The following FAM20B variants were observed in gnomAD, a reference collection of about 807,000 sequenced individuals.
The protein encoded by FAM20B is glycosaminoglycan xylosylkinase.
Under a neutral mutation model 43.8 loss-of-function variants are expected in FAM20B, and 23 were observed. The observed-to-expected ratio is 0.53, with a 90% confidence interval of 0.38 to 0.74. FAM20B has a LOEUF of 0.74. Among genes scored for constraint, FAM20B ranks in the 30% least tolerant of loss-of-function variants. The pLI is 0.00. For missense variants in FAM20B, 440 were observed against 510.5 expected, an observed-to-expected ratio of 0.86 and a Z score of 1.33; for synonymous variants, 178 against 192.4, an observed-to-expected ratio of 0.93 and a Z score of 0.62.
At chr1:179,041,422 G>A (rs1215501912) in intron 1 of FAM20B, among the ~76,000 whole-genome samples, 1 of 152,132 alleles carries the variant, frequency 6.6e-6, no homozygotes, top group Non-Finnish European at 1.5e-5. Context: ...TGGAGGCCGA[G>A]GCTGGCGGAT....
chr1:179,039,742 AT>A (rs1217321410), intron 1 of FAM20B, among the ~76,000 whole-genome samples: 1 of 70,468 alleles, frequency 1.4e-5, no homozygotes, highest in Non-Finnish European at 3.3e-5. Flanking sequence ...TTTATTTATT[AT>A]TTTTTTTTAT....
chr1:179,058,279 G>A (rs1045612492), intron 4 of FAM20B, among the ~76,000 whole-genome samples: 1 of 152,226 alleles, frequency 6.6e-6, no homozygotes, highest in Non-Finnish European at 1.5e-5. Flanking sequence ...AAAAATCCGT[G>A]ATTTCTTGTA....
intron 1 of FAM20B, among the ~76,000 whole-genome samples, chr1:179,040,148 G>C (rs916397511): frequency 6.6e-6 from 1 of 152,186 alleles, no homozygotes. Context: ...ACACAGACAC[G>C]GCAACCATCC....
the FAM20B span, among the ~76,000 whole-genome samples, chr1:179,019,311 T>C: frequency 2.6e-5 from 4 of 152,058 alleles, no homozygotes; most frequent in Non-Finnish European, 4.4e-5. Flanking sequence ...GATTGAGAAC[T>C]CTCTAGCAGC....
intron 4 of FAM20B, 141 bp downstream of exon 4, chr1:179,054,779 G>C: frequency 2.0e-6 from 1 of 490,710 alleles, no homozygotes; most frequent in Non-Finnish European, 3.6e-6. Context: ...CCAGCTCTCA[G>C]GTTATTTGGG....
At chr1:179,035,733 T>C (rs998057401) in intron 1 of FAM20B, 3 of 307,688 alleles carry the variant, frequency 9.8e-6, no homozygotes, top group Non-Finnish European at 1.9e-5. Context: ...GGAATCTATA[T>C]CTCTTCTCCC....
At chr1:179,051,793 C>T (rs759060543) in intron 3 of FAM20B, among the ~76,000 whole-genome samples, 1 of 151,922 alleles carries the variant, frequency 6.6e-6, no homozygotes, top group South Asian at 2.1e-4. Context: ...ACTACAGGTA[C>T]GCACCACCAC....
At chr1:179,055,807 C>G (rs571409672) in intron 4 of FAM20B, among the ~76,000 whole-genome samples, 1 of 151,872 alleles carries the variant, frequency 6.6e-6, no homozygotes, top group Non-Finnish European at 1.5e-5. Context: ...GTATGAGTTA[C>G]CAAGGCAGCA....
chr1:179,040,672 C>T (rs1462184885), intron 1 of FAM20B, among the ~76,000 whole-genome samples: 4 of 127,704 alleles, frequency 3.1e-5, no homozygotes, highest in Non-Finnish European at 5.3e-5. Context: ...GATCCCCCCA[C>T]CTCCCTCCCG....
Position 179,038,284 on chromosome 1 carries a change from G to A in FAM20B, c.-133-5431G>A, listed in dbSNP as rs554907902. 5.3e-5 allele frequency among the ~76,000 whole-genome samples: 8 copies of A among 152,224 alleles called. 1 individual carries two copies. In the South Asian group the frequency reaches 1.7e-3, roughly 32 times the overall value. On this transcript the variant is annotated intron_variant, in intron 1 of 7. Coordinates refer to ENST00000263733, the MANE Select transcript of FAM20B (RefSeq NM_014864.4). ...GCCTTAGCTGGGCGTGGTGGCGCAT[G>A]CCTGTAATCCCAGCTACTTGGGAGG...
At position 179,064,041 on chromosome 1, in the gene FAM20B, C is replaced by A; in HGVS notation, c.689C>A (p.Pro230His). The change falls in exon 5 of 8, where the codon CCT (proline) becomes CAT (histidine). Residue 230 changes from proline to histidine, a missense_variant. Pro to His is a moderately conservative substitution (Grantham distance 77). Transcript: ENST00000263733. ...SVTLWLPDVW[P>H]LQKHRHPWGR... ...ACACTTTGGCTTCCAGATGTGTGGCCTCTGCAGAAGCACCGTCACCCATGG... is the reference window on the plus strand; with the variant it reads ...ACACTTTGGCTTCCAGATGTGTGGCATCTGCAGAAGCACCGTCACCCATGG... 6.2e-7 allele frequency: 1 copy of A among 1,613,910 alleles called. No individual in the cohort carries two copies. The highest frequency in any genetic ancestry group is 8.5e-7 in the Non-Finnish European group (1 of 1,179,860).
At chr1:179,056,117 T>G (rs1409118160) in intron 4 of FAM20B, among the ~76,000 whole-genome samples, 1 of 152,216 alleles carries the variant, frequency 6.6e-6, no homozygotes, top group Non-Finnish European at 1.5e-5. Flanking sequence ...TTACAATTGA[T>G]GAGTCCACAC....
At chr1:179,034,061 C>T (rs2102485052) in intron 1 of FAM20B, among the ~76,000 whole-genome samples, 1 of 152,258 alleles carries the variant, frequency 6.6e-6, no homozygotes, top group Admixed American at 6.5e-5. Flanking sequence ...AGGCTGGGGT[C>T]ACAACAGTGA....
chr1:179,040,665 C>G (rs1399783572), intron 1 of FAM20B, among the ~76,000 whole-genome samples: 1 of 124,714 alleles, frequency 8.0e-6, no homozygotes, highest in Non-Finnish European at 1.8e-5. Context: ...GGGCGCTGAT[C>G]CCCCCACCTC....
chr1:179,040,498 C>T (rs1650447661), intron 1 of FAM20B, among the ~76,000 whole-genome samples: 1 of 147,006 alleles, frequency 6.8e-6, no homozygotes, highest in Admixed American at 6.7e-5. Context: ...GCTGACCCCC[C>T]CACCTCCCTC....
chr1:179,024,628 T>C (rs1462860034), upstream of FAM20B, among the ~76,000 whole-genome samples: 2 of 152,204 alleles, frequency 1.3e-5, no homozygotes, highest in African/African-American at 2.4e-5. Flanking sequence ...GCTAATACAA[T>C]GCCTTCTGCA....
Position 179,072,840 on chromosome 1 carries a change from C to T in FAM20B, c.*696C>T, listed in dbSNP as rs550190130. ...ACTGAACTACTGAAAAACAGGTTCC[C>T]TTGTATTTAGGATCTTAAGGTGTAT... On this transcript the variant is annotated 3_prime_UTR_variant, in exon 8 of 8. Transcript: ENST00000263733. The T allele has an allele frequency of 1.3e-5, 2 of 152,290 alleles. No homozygotes were observed. The highest frequency in any genetic ancestry group is 1.3e-4 in the Admixed American group (2 of 15,300). The allele number at this position is 152,290 out of a possible 1,614,324, so 9.4% of individuals were successfully genotyped here.
chr1:179,043,854 C>G lies in FAM20B; in HGVS notation c.7C>G (p.Leu3Val). 6.3e-7 allele frequency: 1 copy of G among 1,592,492 alleles called. No homozygotes were observed. Among genetic ancestry groups the G allele is most frequent in the Non-Finnish European group, 8.6e-7 (1 of 1,164,830 alleles). The change falls in exon 2 of 8, where the codon CTA (leucine) becomes GTA (valine). Residue 3 changes from leucine (L) to valine (V), a missense_variant. By Grantham distance (32) the Leu-to-Val change is conservative. Coordinates refer to ENST00000263733, the MANE Select transcript of FAM20B (RefSeq NM_014864.4). Reference protein sequence around the residue: MKLKQRVVLLAIL... With the variant: MKVKQRVVLLAIL... The stretch of plus-strand genomic sequence containing the variant: ...AGAAGGAAAAGAGGTCAACATGAAG[C>G]TAAAGCAGCGAGTCGTGCTGTTAGC...
At chr1:179,061,822 A>G (rs1651477067) in intron 4 of FAM20B, among the ~76,000 whole-genome samples, 1 of 152,156 alleles carries the variant, frequency 6.6e-6, no homozygotes, top group Non-Finnish European at 1.5e-5. Context: ...TTATATCACC[A>G]TGAACTCACT....
Sources: allele counts gnomAD v4.1 joint callset (sites outside exome capture counted in the v4.1 genomes callset), GRCh38; gene constraint gnomAD v4.1.1; transcripts MANE v1.5; gene names NCBI Gene and HGNC (gene_info 2026-07-23, HGNC 2026-07-21).